BTBD7: variants seen among roughly 807,000 people sequenced by gnomAD.
BTBD7 encodes the protein BTB/POZ domain-containing protein 7.
A neutral mutation model predicts 99.9 loss-of-function variants in BTBD7; 38 were observed. The ratio of observed to expected loss-of-function variants is 0.38; its 90% CI spans 0.29 to 0.50. BTBD7 has a LOEUF of 0.50. BTBD7 is among the 20% of genes least tolerant of loss of function. The pLI is 0.93. For missense variants in BTBD7, 1,170 were observed against 1,394.6 expected (o/e 0.84, Z 2.57); for synonymous variants, 520 against 511.4 (o/e 1.02, Z -0.23).
At chr14:93,310,174 T>C (rs2053121380) in intron 1 of BTBD7, among the ~76,000 whole-genome samples, 1 of 152,184 alleles carries the variant, frequency 6.6e-6, no homozygotes, top group Non-Finnish European at 1.5e-5. Flanking sequence ...CTCAAGCAAA[T>C]CTCAGATAGC....
rs1192199666 is a variant in BTBD7, at chr14:93,300,772, GTA to G, written c.-106-4617_-106-4616del. 2.2e-3 allele frequency among the ~76,000 whole-genome samples: 149 copies of G among 67,852 alleles called. 9 individuals carry two copies. Among genetic ancestry groups the G allele is most frequent in the East Asian group, 5.8e-3 (13 of 2,260 alleles). The allele number at this position is 67,852 out of a possible 152,430, so 44.5% of individuals were successfully genotyped here. A position where few individuals can be genotyped will look rare whatever the true frequency, so the allele number is the denominator to read the frequency against. The stretch of plus-strand genomic sequence containing the variant: ...TGTGTGTGTGTGTGTGTGTGTGTGT[GTA>G]TATATATATATATTTTTTTTTTGTA... On this transcript the variant is annotated intron_variant, in intron 1 of 10. Coordinates refer to ENST00000334746, the MANE Select transcript of BTBD7 (RefSeq NM_001002860.4).
At chr14:93,300,605 G>A (rs1379711467) in intron 1 of BTBD7, among the ~76,000 whole-genome samples, 3 of 151,156 alleles carry the variant, frequency 2.0e-5, no homozygotes, top group African/African-American at 7.3e-5. Context: ...AGACGTGCAT[G>A]GCTCACTGCA....
In BTBD7 at chr14:93,257,262, G is replaced by T. The variant is rs1283382262; in HGVS notation, c.1541C>A (p.Ser514Tyr). 1.2e-6 allele frequency: 2 copies of T among 1,614,006 alleles called. No homozygotes were observed. Among genetic ancestry groups the T allele is most frequent in the Admixed American group, 3.3e-5 (2 of 60,030 alleles). Residue 514 changes from serine to tyrosine, a missense_variant, in exon 6 of 11, where the codon TCT becomes TAT. This residue lies in a region of BTBD7 where 309 missense variants were observed against 342.0 expected (regional missense o/e 0.90). Transcript: ENST00000334746. ...AATTCGCACAAAAGGTAAGAGAGAA[G>T]AAAGGATCTCTCTGAGCTCTTCCAT... ...LDMEELREIL[S>Y]SLLPFVRIEH...
intron 8 of BTBD7, among the ~76,000 whole-genome samples, chr14:93,251,255 A>G (rs1244408247): frequency 6.6e-6 from 1 of 152,234 alleles, no homozygotes; most frequent in Non-Finnish European, 1.5e-5. Context: ...TCAAGGGTAA[A>G]CTGATAAACT....
chr14:93,304,874 T>G (rs1469030942), intron 1 of BTBD7, among the ~76,000 whole-genome samples: 5 of 152,208 alleles, frequency 3.3e-5, no homozygotes, highest in Non-Finnish European at 7.3e-5. Context: ...GCTGGAGAGA[T>G]AAGCAAACAT....
chr14:93,288,645 G>A (rs776286036), intron 3 of BTBD7: 3 of 1,297,586 alleles, frequency 2.3e-6, no homozygotes, highest in African/African-American at 1.5e-5. Flanking sequence ...ATTTAAGATT[G>A]AGGCAGTAAG....
intron 1 of BTBD7, among the ~76,000 whole-genome samples, chr14:93,300,599 G>A (rs1291422643): frequency 6.6e-6 from 1 of 151,218 alleles, no homozygotes; most frequent in African/African-American, 2.4e-5. Flanking sequence ...CCAGCTAGAC[G>A]TGCATGGCTC....
intron 1 of BTBD7, among the ~76,000 whole-genome samples, chr14:93,312,149 C>T (rs2053145772): frequency 6.6e-6 from 1 of 152,110 alleles, no homozygotes; most frequent in Non-Finnish European, 1.5e-5. Context: ...CTTCCTTCTC[C>T]TGTCTCTACC....
chr14:93,258,718 G>A (rs1338219280), intron 5 of BTBD7, among the ~76,000 whole-genome samples: 1 of 152,152 alleles, frequency 6.6e-6, no homozygotes, highest in African/African-American at 2.4e-5. Flanking sequence ...CCAAGTAGCT[G>A]GGATTATAGG....
chr14:93,293,262 T>C (rs1175643529), intron 3 of BTBD7, among the ~76,000 whole-genome samples: 3 of 152,238 alleles, frequency 2.0e-5, no homozygotes, highest in Non-Finnish European at 4.4e-5. Context: ...TAAAAAAATT[T>C]TAGTTTAAAT....
Position 93,241,208 on chromosome 14 carries a change from A to G in BTBD7, c.*1065T>C, listed in dbSNP as rs2052222951. 3 of 151,436 alleles carry G rather than the reference A, an allele frequency of 2.0e-5. No homozygotes were observed. Among genetic ancestry groups the G allele is most frequent in the Admixed American group, 2.0e-4 (3 of 15,214 alleles). 9.4% of individuals were successfully genotyped at this position (151,436 alleles called of 1,614,324 possible). On this transcript the variant is annotated 3_prime_UTR_variant, in exon 11 of 11. Coordinates refer to ENST00000334746, the MANE Select transcript of BTBD7 (RefSeq NM_001002860.4). ...GCCCAGGTGGGAGCACAGTGGTGCA[A>G]TCTTGGCTCACTGCAGTCTCAACCT... is the stretch of plus-strand genomic sequence containing the variant.
At chr14:93,305,466 G>T (rs2053059103) in intron 1 of BTBD7, among the ~76,000 whole-genome samples, 1 of 152,122 alleles carries the variant, frequency 6.6e-6, no homozygotes, top group African/African-American at 2.4e-5. Context: ...ACATCAACAA[G>T]GTCTCTTATG....
Position 93,251,647 on chromosome 14 carries a change from C to T in BTBD7, c.1758G>A (p.Val586=). ...TTTGTTCCACCATCATCTCATCTAG[C>T]ACTGACTGAAATAATCATTCAGTAT... The part of the protein sequence containing the change: ...FSPYVEEAKS[V]LDEMMVEQTD... Residue 586 remains valine (V), a synonymous_variant, in exon 8 of 11, where the codon GTG becomes GTA. Transcript: ENST00000334746. 6.3e-7 allele frequency: 1 copy of T among 1,591,206 alleles called. No homozygotes were observed. Among genetic ancestry groups the T allele is most frequent in the Non-Finnish European group, 8.6e-7 (1 of 1,163,916 alleles).
Position 93,242,902 on chromosome 14 carries a change from G to A in BTBD7, c.2770C>T (p.Arg924Trp), listed in dbSNP as rs755765694. The change falls in exon 11 of 11, where the codon CGG becomes TGG. Residue 924 changes from arginine to tryptophan, a missense_variant. Around this residue, in one of 4 missense-constraint regions of BTBD7, gnomAD observed 495 missense variants for 525.9 expected, o/e 0.94. Coordinates refer to ENST00000334746, the MANE Select transcript of BTBD7 (RefSeq NM_001002860.4). ...TTTTGCTCTAGTGTGTGTTTTTTCC[G>A]AGAAGTGTGTGTATGTCTCTGTGGA... ...CIPQRHTHTS[R>W]KKHTLEQKTD... The A allele has an allele frequency of 9.3e-6, 15 of 1,614,064 alleles. No homozygotes were observed. Among genetic ancestry groups the A allele is most frequent in the South Asian group, 2.2e-5 (2 of 91,064 alleles).
intron 3 of BTBD7, among the ~76,000 whole-genome samples, chr14:93,266,749 C>T (rs1344666843): frequency 1.3e-5 from 2 of 152,080 alleles, no homozygotes; most frequent in Non-Finnish European, 2.9e-5. Flanking sequence ...AAGACAAAAC[C>T]GTTTCTATAA....
intron 10 of BTBD7, 41 bp from the exon 11 acceptor site, chr14:93,243,129 G>T (rs775685732): frequency 6.6e-7 from 1 of 1,521,428 alleles, no homozygotes; most frequent in South Asian, 1.2e-5. Flanking sequence ...TTAAAAAAAG[G>T]ACCCATCCTC....
At chr14:93,329,174 TCAA>T (rs1250712003) in intron 1 of BTBD7, among the ~76,000 whole-genome samples, 1 of 149,440 alleles carries the variant, frequency 6.7e-6, no homozygotes, top group Non-Finnish European at 1.5e-5. Flanking sequence ...ACTTCCACAC[TCAA>T]CAACAAAAAA....
At chr14:93,326,991 C>T (rs184402790) in intron 1 of BTBD7, among the ~76,000 whole-genome samples, 6 of 151,416 alleles carry the variant, frequency 4.0e-5, no homozygotes, top group Admixed American at 2.0e-4. Flanking sequence ...CACTGCAAGG[C>T]CCTGTCTCTC....
intron 1 of BTBD7, among the ~76,000 whole-genome samples, chr14:93,303,311 T>TA (rs1197320443): frequency 2.0e-5 from 3 of 152,034 alleles, no homozygotes; most frequent in Admixed American, 6.5e-5. Flanking sequence ...GTTAAAATAA[T>TA]ATGGACTGCT....
Sources: gnomAD v4.1 joint callset for allele counts (sites outside exome capture counted in the v4.1 genomes callset) on GRCh38, gnomAD v4.1.1 for gene constraint, gnomAD v4.1.1 regional missense constraint, MANE v1.5 for transcripts, NCBI Gene and HGNC (gene_info 2026-07-23, HGNC 2026-07-21) for gene names.